The following ACSM4 variants were observed in gnomAD, a reference collection of about 807,000 sequenced individuals.
The protein encoded by ACSM4 is acyl-coenzyme A synthetase ACSM4, mitochondrial.
A neutral mutation model predicts 73.0 loss-of-function variants in ACSM4; 66 were observed. The ratio of observed to expected loss-of-function variants is 0.90; its 90% CI spans 0.74 to 1.11. The LOEUF (loss-of-function observed/expected upper bound fraction) is 1.11. Ranked by LOEUF, ACSM4 falls within the 50% of genes least tolerant of loss-of-function variation. The probability of loss-of-function intolerance (pLI) is 0.00; values close to 1 mark genes in which losing one functional copy is unlikely to be tolerated. For missense variants in ACSM4, 645 were observed against 714.4 expected (o/e 0.90, Z 1.11); for synonymous variants, 222 against 254.0 (o/e 0.87, Z 1.20).
rs757278847 is a variant in ACSM4 at position 7,323,299 on chromosome 12, G to T, written c.1191G>T (p.Leu397=). 8.1e-6 allele frequency: 13 copies of T among 1,610,760 alleles called. 1 individual carries two copies. Among genetic ancestry groups the T allele is most frequent in the Middle Eastern group, 1.6e-4 (1 of 6,078 alleles). The change falls in exon 8 of 13, where the codon CTG becomes CTT. Residue 397 remains leucine (L), a synonymous_variant. Transcript: ENST00000399422. ...IKPGSMGKGM[L]PYDVQIIDEN... ...CAGGTTCAATGGGGAAAGGAATGCT[G>T]CCCTATGATGTCCAGGTAGGTTGAG... is the stretch of plus-strand genomic sequence containing the variant.
intron 12 of ACSM4, among the ~76,000 whole-genome samples, chr12:7,328,074 GTGAATT>G (rs1946522721): frequency 6.6e-6 from 1 of 152,142 alleles, no homozygotes; most frequent in South Asian, 2.1e-4. Flanking sequence ...AAGCATTTCA[GTGAATT>G]TGCACTAAAA....
At chr12:7,310,872 G>A (rs1946386844) in intron 3 of ACSM4, 126 bp downstream of exon 3, 1 of 1,039,896 alleles carries the variant, frequency 9.6e-7, no homozygotes, top group Admixed American at 2.3e-5. Context: ...ACTCAGAAAA[G>A]AATTACCTAA....
chr12:7,306,455 G>C, intron 1 of ACSM4, 78 bp from the exon 2 acceptor site: 2 of 1,390,546 alleles, frequency 1.4e-6, no homozygotes, highest in Non-Finnish European at 9.9e-7. Context: ...TGCCAAAGGG[G>C]GAAAACAGCA....
At chr12:7,325,537 C>T (rs972762290) in intron 11 of ACSM4, among the ~76,000 whole-genome samples, 2 of 152,114 alleles carry the variant, frequency 1.3e-5, no homozygotes, top group African/African-American at 2.4e-5. Flanking sequence ...ATCTCAGCTA[C>T]TTAGGAGGCT....
intron 2 of ACSM4, among the ~76,000 whole-genome samples, chr12:7,307,518 T>C (rs532082985): frequency 1.3e-5 from 2 of 152,212 alleles, no homozygotes; most frequent in African/African-American, 2.4e-5. Flanking sequence ...TCAGGACTTA[T>C]AAGAATATGA....
intron 5 of ACSM4, among the ~76,000 whole-genome samples, chr12:7,319,329 C>T (rs781388158): frequency 2.6e-5 from 4 of 152,120 alleles, no homozygotes; most frequent in African/African-American, 7.2e-5. Context: ...ACAGATAAAG[C>T]AGGCATAATC....
At chr12:7,312,841 T>C (rs967877268) in intron 3 of ACSM4, among the ~76,000 whole-genome samples, 1 of 152,170 alleles carries the variant, frequency 6.6e-6, no homozygotes, top group Non-Finnish European at 1.5e-5. Flanking sequence ...AACAAAGTCA[T>C]TCAATAGTGT....
rs758785333 is a variant in ACSM4, at chr12:7,313,938, G to T, written c.620+3192G>T. On this transcript the variant is annotated intron_variant, in intron 3 of 12. Coordinates refer to ENST00000399422, the MANE Select transcript of ACSM4 (RefSeq NM_001080454.2). The stretch of plus-strand genomic sequence containing the variant: ...ATTGATGGGTTTTAAGAAGGGAAGT[G>T]CCAAGGTCAGGTTTGGATTTTAAAT... Among the ~76,000 whole-genome samples the T allele has an allele frequency of 1.2e-4, 18 of 152,280 alleles. No homozygotes were observed. In the South Asian group the frequency reaches 1.7e-3, roughly 14 times the overall value.
chr12:7,327,583 G>A (rs1459271857), intron 12 of ACSM4, among the ~76,000 whole-genome samples: 2 of 152,148 alleles, frequency 1.3e-5, no homozygotes, highest in East Asian at 3.8e-4. Flanking sequence ...ACAATACTAC[G>A]TAAATACATG....
rs146804575 is a variant in ACSM4 at position 7,304,666 on chromosome 12, A to G, written c.201+134A>G. 552 of 973,040 alleles carry G rather than the reference A, an allele frequency of 5.7e-4. 1 individual carries two copies. The African/African-American group carries it at 7.8e-3, about 14-fold the overall frequency. 60.3% of individuals were successfully genotyped at this position (973,040 alleles called of 1,614,324 possible). ...CTTGGTTTCCTTTGTTTGTTTTCCA[A>G]TTGCCCTCCCCTCTCCCCAGGGAAG... On this transcript the variant is annotated intron_variant, in intron 1 of 12. Transcript: ENST00000399422.
At chr12:7,322,669 T>G (rs530846312) in intron 7 of ACSM4, 128 bp downstream of exon 7, 3 of 1,205,222 alleles carry the variant, frequency 2.5e-6, no homozygotes, top group Non-Finnish European at 3.4e-6. Context: ...TACCTCACCT[T>G]GCCAGTAGTT....
chr12:7,326,460 T>C (rs1003216411), intron 11 of ACSM4, among the ~76,000 whole-genome samples: 4 of 152,230 alleles, frequency 2.6e-5, no homozygotes, highest in African/African-American at 9.6e-5. Context: ...TCCTTCTACC[T>C]TGGCCTCCCA....
chr12:7,313,970 A>T (rs2136331028), intron 3 of ACSM4, among the ~76,000 whole-genome samples: 1 of 152,368 alleles, frequency 6.6e-6, no homozygotes, highest in South Asian at 2.1e-4. Context: ...AAATAGATTT[A>T]TCTGGCAAAT....
chr12:7,312,446 T>C (rs894939383), intron 3 of ACSM4, among the ~76,000 whole-genome samples: 2 of 152,198 alleles, frequency 1.3e-5, no homozygotes, highest in Middle Eastern at 3.4e-3. Context: ...TAGCTTATGT[T>C]TAAAAAAAAA....
chr12:7,306,126 C>T (rs1390594191), intron 1 of ACSM4, among the ~76,000 whole-genome samples: 1 of 152,174 alleles, frequency 6.6e-6, no homozygotes, highest in Admixed American at 6.5e-5. Flanking sequence ...GGAGAGCTCA[C>T]AAAATTGGGC....
intron 2 of ACSM4, 77 bp from the exon 3 acceptor site, chr12:7,310,462 C>G: frequency 7.2e-7 from 1 of 1,391,326 alleles, no homozygotes; most frequent in South Asian, 1.3e-5. Flanking sequence ...GATGCTTCTC[C>G]TCACCGAGGC....
rs573991806 is a variant in ACSM4 at position 7,323,504 on chromosome 12, G to A, written c.1252G>A (p.Glu418Lys). Reference sequence around the variant, plus strand: ...TGTTCTACCACCTGGCAAAGAAGGGGAAATTGCCCTCAGACTCAAACCTAC... The same window carrying A: ...TGTTCTACCACCTGGCAAAGAAGGGAAAATTGCCCTCAGACTCAAACCTAC... ...GNVLPPGKEG[E>K]IALRLKPTRP... The change falls in exon 9 of 13, where the codon GAA (glutamate) becomes AAA (lysine). Residue 418 changes from glutamate to lysine, a missense_variant. Coordinates refer to ENST00000399422, the MANE Select transcript of ACSM4 (RefSeq NM_001080454.2). The A allele has an allele frequency of 1.2e-6, 2 of 1,613,888 alleles. No homozygotes were observed. The highest frequency in any genetic ancestry group is 2.2e-5 in the East Asian group (1 of 44,870).
At chr12:7,307,589 A>G (rs901716895) in intron 2 of ACSM4, among the ~76,000 whole-genome samples, 14 of 152,238 alleles carry the variant, frequency 9.2e-5, no homozygotes, top group Admixed American at 1.3e-4. Context: ...ATATTCAATG[A>G]CACACTTTCT....
In ACSM4 at chr12:7,319,418, C is replaced by T. The variant is rs190741190; in HGVS notation, c.921+1236C>T. ...CAGCCTGGCCAAGATGGTGAAACCT[C>T]GTCTCTACTAAAAATACAAATAATT... On this transcript the variant is annotated intron_variant, in intron 5 of 12. Transcript: ENST00000399422. Among the ~76,000 whole-genome samples the T allele has an allele frequency of 4.1e-3, 627 of 151,942 alleles. 4 individuals are homozygous for T. The highest frequency in any genetic ancestry group is 6.8e-3 in the Non-Finnish European group (463 of 67,926).
Sources: allele counts gnomAD v4.1 joint callset (sites outside exome capture counted in the v4.1 genomes callset), GRCh38; gene constraint gnomAD v4.1.1; transcripts MANE v1.5; gene names NCBI Gene and HGNC (gene_info 2026-07-23, HGNC 2026-07-21).